The following ANKRD54 variants were observed in gnomAD, a reference collection of about 807,000 sequenced individuals.
The protein encoded by ANKRD54 is ankyrin repeat domain-containing protein 54.
In ANKRD54, 26 loss-of-function variants were observed where a neutral mutation model predicts 36.2. That is an observed-to-expected ratio of 0.72 (90% CI 0.53 to 1.00). The LOEUF (loss-of-function observed/expected upper bound fraction) is 1.00. Ranked by LOEUF, ANKRD54 falls within the 50% of genes least tolerant of loss-of-function variation. ANKRD54 has a pLI of 0.00. For synonymous variants in ANKRD54, 209 were observed against 188.4 expected, an observed-to-expected ratio of 1.11 and a Z score of -0.89; for missense variants, 384 against 424.3, an observed-to-expected ratio of 0.91 and a Z score of 0.83.
At chr22:37,832,810 C>T (rs1923059318) in intron 6 of ANKRD54, 66 bp from the exon 7 acceptor site, 1 of 1,605,534 alleles carries the variant, frequency 6.2e-7, no homozygotes, top group African/African-American at 1.3e-5. Flanking sequence ...ATGCTGCTTC[C>T]AAAAAGCACA....
upstream of ANKRD54, among the ~76,000 whole-genome samples, chr22:37,845,803 AGGTTGC>A (rs369892666): frequency 9.3e-4 from 142 of 152,202 alleles, no homozygotes; most frequent in African/African-American, 3.2e-3. Flanking sequence ...TGGGAGGCAG[AGGTTGC>A]GGTGAGCTGA....
At chr22:37,837,886 C>A (rs1923744738) in intron 3 of ANKRD54, among the ~76,000 whole-genome samples, 1 of 152,164 alleles carries the variant, frequency 6.6e-6, no homozygotes, top group South Asian at 2.1e-4. Context: ...GTAATCCCAG[C>A]ACTTTGGGAA....
chr22:37,831,853 T>G lies in ANKRD54; in HGVS notation c.*90A>C. The G allele has an allele frequency of 2.2e-6, 3 of 1,392,830 alleles. 1 individual carries two copies. The South Asian group carries it at 3.8e-5, about 17-fold the overall frequency. The allele number at this position is 1,392,830 out of a possible 1,614,324, so 86.3% of individuals were successfully genotyped here. On this transcript the variant is annotated 3_prime_UTR_variant, in exon 8 of 8. Transcript: ENST00000215941. The stretch of plus-strand genomic sequence containing the variant: ...AAGGTCCTCACCAGACAAGTGCAGC[T>G]CCAAGTCCCAGATGTTGGGCTTTTT...
intron 6 of ANKRD54, 102 bp from the exon 7 acceptor site, chr22:37,832,846 G>A (rs1923063186): frequency 3.1e-6 from 5 of 1,603,476 alleles, no homozygotes; most frequent in Admixed American, 1.7e-5. Context: ...ACTGGGGTCA[G>A]TGTGAAACAA....
At chr22:37,845,904 G>A (rs1207368795), upstream of ANKRD54, among the ~76,000 whole-genome samples, 1 of 151,566 alleles carries the variant, frequency 6.6e-6, no homozygotes, top group Non-Finnish European at 1.5e-5. Flanking sequence ...GCCTGGCGCT[G>A]TGGCTCACGC....
rs762403483 is a variant in ANKRD54, at chr22:37,833,716, C to T, written c.515G>A (p.Arg172Gln). 1.9e-5 allele frequency: 31 copies of T among 1,614,056 alleles called. No individual in the cohort carries two copies. In the African/African-American group the frequency reaches 4.1e-4, roughly 22 times the overall value. The change falls in exon 4 of 8, where the codon CGA becomes CAA. Residue 172 changes from arginine (R) to glutamine (Q), a missense_variant. Physicochemically the swap from Arg to Gln is conservative, Grantham distance 43 (BLOSUM62 1). Around this residue, in one of 3 missense-constraint regions of ANKRD54, gnomAD observed 179 missense variants for 224.0 expected, o/e 0.80. Coordinates refer to ENST00000215941, the MANE Select transcript of ANKRD54 (RefSeq NM_138797.4). ...LLDHGADPNQ[R>Q]DGLGNTPLHL... ...CAGTGGCGTGTTCCCCAGCCCATCT[C>T]GCTGGTTAGGATCAGCACCATGGTC...
upstream of ANKRD54, chr22:37,847,875 T>C (rs1924929970): frequency 3.3e-6 from 1 of 306,628 alleles, no homozygotes; most frequent in East Asian, 1.0e-4. Context: ...GGGCTGGGCA[T>C]TGCAATTCTC....
chr22:37,840,069 T>G, intron 2 of ANKRD54, 118 bp downstream of exon 2: 1 of 1,189,106 alleles, frequency 8.4e-7, no homozygotes, highest in Non-Finnish European at 1.2e-6. Context: ...ATAAATACAG[T>G]GAGCCTGCTC....
At chr22:37,844,393 C>T (rs1489749604), upstream of ANKRD54, 4 of 767,530 alleles carry the variant, frequency 5.2e-6, 1 homozygote, top group Admixed American at 7.1e-5. Context: ...CAGGCCGAGA[C>T]AGAGCGGCGA....
upstream of ANKRD54, among the ~76,000 whole-genome samples, chr22:37,847,993 TTGGA>T (rs1461408850): frequency 2.6e-5 from 4 of 152,050 alleles, no homozygotes; most frequent in African/African-American, 9.7e-5. Flanking sequence ...GATTCTAGAC[TTGGA>T]TAACAGTGAG....
In ANKRD54 at chr22:37,844,254, C is replaced by T; in HGVS notation, c.-16G>A. On this transcript the variant is annotated 5_prime_UTR_variant, in exon 1 of 8. Coordinates refer to ENST00000215941, the MANE Select transcript of ANKRD54 (RefSeq NM_138797.4). ...CGGCTGCCATGGCAACGGCTCCGCGCGGGCCTGGCCGCCTGAGCCTCGTTC... is the reference window on the plus strand; with the variant it reads ...CGGCTGCCATGGCAACGGCTCCGCGTGGGCCTGGCCGCCTGAGCCTCGTTC... 1 of 1,544,252 alleles carries T rather than the reference C, an allele frequency of 6.5e-7. No homozygotes were observed. Among genetic ancestry groups the T allele is most frequent in the Non-Finnish European group, 8.7e-7 (1 of 1,154,368 alleles).
chr22:37,847,796 C>T (rs377265398), upstream of ANKRD54: 3 of 435,852 alleles, frequency 6.9e-6, no homozygotes, highest in Non-Finnish European at 1.4e-5. Flanking sequence ...CCATTATTTC[C>T]AAATTTGTGT....
At chr22:37,847,987 C>T (rs190885216), upstream of ANKRD54, among the ~76,000 whole-genome samples, 71 of 152,244 alleles carry the variant, frequency 4.7e-4, no homozygotes, top group African/African-American at 1.6e-3. Flanking sequence ...GCATTCGATT[C>T]TAGACTTGGA....
chr22:37,841,546 AC>A (rs1569101733), intron 1 of ANKRD54, among the ~76,000 whole-genome samples: 58 of 146,686 alleles, frequency 4.0e-4, no homozygotes, highest in African/African-American at 1.3e-3. Context: ...ACACACACAC[AC>A]ACACACACAC....
Position 37,833,668 on chromosome 22 carries a change from C to T in ANKRD54, c.547+16G>A. ...TGCTGCAAATGAGTTGTCTTAGTGA[C>T]TTCTGACATGCTTACCCAGGTGCAG... On this transcript the variant is annotated intron_variant, in intron 4 of 7. Transcript: ENST00000215941. 6.2e-7 allele frequency: 1 copy of T among 1,613,770 alleles called. No individual in the cohort carries two copies. The highest frequency in any genetic ancestry group is 8.5e-7 in the Non-Finnish European group (1 of 1,179,710).
Position 37,832,622 on chromosome 22 carries a change from G to A in ANKRD54, c.828+15C>T, listed in dbSNP as rs568275456. 2 of 1,613,286 alleles carry A rather than the reference G, an allele frequency of 1.2e-6. No homozygotes were observed. The highest frequency in any genetic ancestry group is 2.2e-5 in the East Asian group (1 of 44,874). On this transcript the variant is annotated intron_variant, in intron 7 of 7. Transcript: ENST00000215941. ...CCTGCCAGGCCCTGGGTCTGGGCCT[G>A]TGGCTGCAGCTCACCTGCTCTTTGG...
chr22:37,843,676 A>G, intron 1 of ANKRD54: 1 of 282,326 alleles, frequency 3.5e-6, no homozygotes, highest in Non-Finnish European at 6.5e-6. Flanking sequence ...TTCAGAAATT[A>G]CCCAGTGAGA....
Position 37,831,691 on chromosome 22 carries a change from G to T in ANKRD54, c.*252C>A. The T allele has an allele frequency of 1.8e-6, 1 of 551,500 alleles. No individual in the cohort carries two copies. Among genetic ancestry groups the T allele is most frequent in the Non-Finnish European group, 3.3e-6 (1 of 306,694 alleles). The allele number at this position is 551,500 out of a possible 1,614,324, so 34.2% of individuals were successfully genotyped here. A position where few individuals can be genotyped will look rare whatever the true frequency, so the allele number is the denominator to read the frequency against. On this transcript the variant is annotated 3_prime_UTR_variant, in exon 8 of 8. Transcript: ENST00000215941. ...GAGCTGAAGTGCAGCTGCAGAGGCT[G>T]GTCTGGTGCTGCGAGAACTGGAAGA...
chr22:37,848,836 A>G (rs1176281062), upstream of ANKRD54: 1 of 152,746 alleles, frequency 6.5e-6, no homozygotes, highest in Non-Finnish European at 1.5e-5. Context: ...GAAGCCGGCC[A>G]TCTTTTGTGT....
Sources: gnomAD v4.1 joint callset for allele counts (sites outside exome capture counted in the v4.1 genomes callset) on GRCh38, gnomAD v4.1.1 for gene constraint, gnomAD v4.1.1 regional missense constraint, MANE v1.5 for transcripts, NCBI Gene and HGNC (gene_info 2026-07-23, HGNC 2026-07-21) for gene names.